CRYL1: variants seen among roughly 807,000 people sequenced by gnomAD.
CRYL1 encodes lambda-crystallin homolog.
CRYL1 carries 29 observed loss-of-function variants against 36.6 expected under a neutral mutation model. The ratio of observed to expected loss-of-function variants is 0.79; its 90% CI spans 0.59 to 1.08. The LOEUF is 1.08. CRYL1 is among the 50% of genes least tolerant of loss of function. The pLI, the probability that CRYL1 is intolerant of heterozygous loss-of-function variation, is 0.00. For missense variants in CRYL1, 411 were observed against 407.9 expected (o/e 1.01, Z -0.06); for synonymous variants, 152 against 151.5 (o/e 1.00, Z -0.02).
At chr13:20,477,727 AT>A (rs1565977533) in intron 3 of CRYL1, among the ~76,000 whole-genome samples, 2 of 146,520 alleles carry the variant, frequency 1.4e-5, no homozygotes, top group Non-Finnish European at 1.5e-5. Flanking sequence ...TTAAAAAATT[AT>A]TTTTATATTA....
intron 2 of CRYL1, among the ~76,000 whole-genome samples, chr13:20,493,023 G>A (rs113640220): frequency 9.4e-4 from 143 of 152,172 alleles, no homozygotes; most frequent in African/African-American, 3.3e-3. Flanking sequence ...TCTCTTTTTC[G>A]CCAATGATGT....
At position 20,481,497 on chromosome 13, in the gene CRYL1, G is replaced by A. The variant is rs1292925090; in HGVS notation, c.276+7873C>T. The stretch of plus-strand genomic sequence containing the variant: ...CTATGCTCTGAACCCCAGCTGTGAC[G>A]CTGATTTCATACGTGACTGTACGCA... On this transcript the variant is annotated intron_variant, in intron 3 of 7. Transcript: ENST00000298248. The surrounding 1 kb of genome is among the most constrained non-coding windows in gnomAD (Gnocchi z 4.1). 2.0e-5 allele frequency among the ~76,000 whole-genome samples: 3 copies of A among 152,140 alleles called. No homozygotes were observed. The highest frequency in any genetic ancestry group is 7.2e-5 in the African/African-American group (3 of 41,416).
At chr13:20,517,188 G>A (rs1331174538) in intron 1 of CRYL1, among the ~76,000 whole-genome samples, 1 of 152,238 alleles carries the variant, frequency 6.6e-6, no homozygotes, top group Non-Finnish European at 1.5e-5. Flanking sequence ...TTATATGGGT[G>A]TGCAAGCCTG....
At position 20,456,833 on chromosome 13, in the gene CRYL1, G is replaced by A. The variant is rs530890048; in HGVS notation, c.277-17079C>T. 6.7e-5 allele frequency among the ~76,000 whole-genome samples: 10 copies of A among 150,120 alleles called. No individual in the cohort carries two copies. The East Asian group carries it at 2.0e-3, about 30-fold the overall frequency. ...GAAACTCTGGGAGAGAGTGGATATG[G>A]AGGAAGAAACTCTGAACAGCAGAGG... is the stretch of plus-strand genomic sequence containing the variant. On this transcript the variant is annotated intron_variant, in intron 3 of 7. Transcript: ENST00000298248.
chr13:20,487,850 C>T (rs1345122003), intron 3 of CRYL1, among the ~76,000 whole-genome samples: 6 of 152,060 alleles, frequency 3.9e-5, no homozygotes, highest in Non-Finnish European at 8.8e-5. Flanking sequence ...GCCTGTAATC[C>T]CAGCACTTCG....
At chr13:20,453,634 G>A (rs760496369) in intron 3 of CRYL1, among the ~76,000 whole-genome samples, 17 of 151,696 alleles carry the variant, frequency 1.1e-4, no homozygotes, top group Non-Finnish European at 2.4e-4. Flanking sequence ...AAGAAAGGAA[G>A]AAGAAAACAA....
chr13:20,432,562 T>C (rs1028497758), intron 4 of CRYL1, among the ~76,000 whole-genome samples: 5 of 152,164 alleles, frequency 3.3e-5, no homozygotes, highest in Non-Finnish European at 7.3e-5. Flanking sequence ...CTATCCTGTA[T>C]GTTTATGGCT....
intron 5 of CRYL1, chr13:20,427,282 G>C: frequency 1.0e-6 from 1 of 985,454 alleles, no homozygotes; most frequent in Non-Finnish European, 1.2e-6. Context: ...CCACAGGGCT[G>C]CTTCATCCCA....
rs2033283317 is a variant in CRYL1, at chr13:20,481,785, C to A, written c.276+7585G>T. Among the ~76,000 whole-genome samples the A allele has an allele frequency of 6.6e-6, 1 of 152,066 alleles. No individual in the cohort carries two copies. The highest frequency in any genetic ancestry group is 2.4e-5 in the African/African-American group (1 of 41,394). On this transcript the variant is annotated intron_variant, in intron 3 of 7. Coordinates refer to ENST00000298248, the MANE Select transcript of CRYL1 (RefSeq NM_015974.3). This position sits in a 1 kb window ranked among gnomAD's most constrained non-coding sequence, Gnocchi z 4.1. Reference sequence around the variant, plus strand: ...ACTTAGCCCGGCATGGTGGTGGGCGCCTATAATCCCAGCTACTTGGGAGGC... The same window carrying A: ...ACTTAGCCCGGCATGGTGGTGGGCGACTATAATCCCAGCTACTTGGGAGGC...
intron 1 of CRYL1, among the ~76,000 whole-genome samples, chr13:20,518,231 T>C (rs1303598988): frequency 6.6e-6 from 1 of 152,028 alleles, no homozygotes; most frequent in Non-Finnish European, 1.5e-5. Flanking sequence ...TCATAGTAGG[T>C]AGGCAGACAA....
intron 6 of CRYL1, among the ~76,000 whole-genome samples, chr13:20,405,053 T>A (rs1298610003): frequency 6.6e-6 from 1 of 152,122 alleles, no homozygotes; most frequent in Non-Finnish European, 1.5e-5. Flanking sequence ...GTAGATCACC[T>A]GAGGTTGAGA....
rs1469970791 is a variant in CRYL1, at chr13:20,460,546, G to A, written c.277-20792C>T. On this transcript the variant is annotated intron_variant, in intron 3 of 7. Coordinates refer to ENST00000298248, the MANE Select transcript of CRYL1 (RefSeq NM_015974.3). ...TTTTTTTTTTTTTTTTTTTTTTTGAGACGGAGTCTCGCTCTGTCGCCCAGG... is the reference window on the plus strand; with the variant it reads ...TTTTTTTTTTTTTTTTTTTTTTTGAAACGGAGTCTCGCTCTGTCGCCCAGG... Among the ~76,000 whole-genome samples the A allele has an allele frequency of 5.3e-5, 5 of 94,628 alleles. No homozygotes were observed. The East Asian group carries it at 1.1e-3, about 21-fold the overall frequency. The allele number at this position is 94,628 out of a possible 152,430, so 62.1% of individuals were successfully genotyped here.
chr13:20,436,757 T>G (rs1213368031), intron 4 of CRYL1, among the ~76,000 whole-genome samples: 4 of 152,146 alleles, frequency 2.6e-5, no homozygotes. Context: ...AAGCAACCTT[T>G]CCAATTTGCT....
chr13:20,433,506 A>T (rs2137393067), intron 4 of CRYL1, among the ~76,000 whole-genome samples: 1 of 152,308 alleles, frequency 6.6e-6, no homozygotes, highest in South Asian at 2.1e-4. Flanking sequence ...GAAAGGAGAA[A>T]TAAGGGCCAT....
At chr13:20,494,842 G>A (rs1219309330) in intron 2 of CRYL1, among the ~76,000 whole-genome samples, 1 of 152,166 alleles carries the variant, frequency 6.6e-6, no homozygotes, top group Non-Finnish European at 1.5e-5. Context: ...AATGTGCAGT[G>A]GTGGTTCTGC....
chr13:20,462,796 C>T (rs1431037696), intron 3 of CRYL1, among the ~76,000 whole-genome samples: 1 of 151,934 alleles, frequency 6.6e-6, no homozygotes, highest in Non-Finnish European at 1.5e-5. Flanking sequence ...TACCATCCCA[C>T]TGCCTTAATG....
intron 3 of CRYL1, among the ~76,000 whole-genome samples, chr13:20,479,075 C>T (rs935073715): frequency 1.3e-4 from 20 of 152,160 alleles, no homozygotes; most frequent in Non-Finnish European, 2.6e-4. Context: ...TGTGAGCCAC[C>T]GCGCCTGGCC....
chr13:20,449,814 G>A (rs2032529965), intron 3 of CRYL1, among the ~76,000 whole-genome samples: 1 of 152,080 alleles, frequency 6.6e-6, no homozygotes, highest in South Asian at 2.1e-4. Context: ...CAAGCTGAGA[G>A]CCAAATTAAG....
intron 3 of CRYL1, among the ~76,000 whole-genome samples, chr13:20,460,750 C>T (rs1291787546): frequency 1.3e-5 from 2 of 152,138 alleles, no homozygotes; most frequent in Non-Finnish European, 2.9e-5. Flanking sequence ...TGGTCTCGAT[C>T]TCCTGACATC....
Sources: gnomAD v4.1 joint callset for allele counts (sites outside exome capture counted in the v4.1 genomes callset) on GRCh38, gnomAD v4.1.1 for gene constraint, Gnocchi (gnomAD v3.1) non-coding constraint, MANE v1.5 for transcripts, NCBI Gene and HGNC (gene_info 2026-07-23, HGNC 2026-07-21) for gene names.